TMEM272: variants seen among roughly 807,000 people sequenced by gnomAD.
The protein encoded by TMEM272 is long intergenic non-protein coding RNA 282.
In TMEM272, 8 loss-of-function variants were observed where a neutral mutation model predicts 3.7. That is an observed-to-expected ratio of 2.17 (90% CI 1.27 to 3.91). TMEM272 has a LOEUF of 3.91. TMEM272 is among the 30% of genes most tolerant of loss of function. The pLI is 0.00. For synonymous variants in TMEM272, 63 were observed against 39.8 expected (o/e 1.58, Z -2.20); for missense variants, 166 against 91.5 (o/e 1.81, Z -3.32).
the TMEM272 span, among the ~76,000 whole-genome samples, chr13:51,859,354 C>T: frequency 6.6e-6 from 1 of 152,030 alleles, no homozygotes; most frequent in African/African-American, 2.4e-5. Flanking sequence ...TGACTGTGCA[C>T]ATGGCTGAGA....
chr13:51,890,698 C>A, the TMEM272 span, among the ~76,000 whole-genome samples: 6 of 152,182 alleles, frequency 3.9e-5, no homozygotes, highest in South Asian at 1.2e-3. Flanking sequence ...GGACTGAGCT[C>A]CTGCACTAGG....
At chr13:51,888,280 AG>A in the TMEM272 span, among the ~76,000 whole-genome samples, 1 of 152,146 alleles carries the variant, frequency 6.6e-6, no homozygotes, top group South Asian at 2.1e-4. Flanking sequence ...TCCTGACCTC[AG>A]GTGATCCGTT....
At chr13:51,844,938 C>T (rs761156074) in intron 1 of TMEM272, 78 bp downstream of exon 1, 1 of 152,256 alleles carries the variant, frequency 6.6e-6, no homozygotes, top group East Asian at 1.9e-4. Flanking sequence ...TTGGCATCTT[C>T]CTAAGAATGA....
the TMEM272 span, among the ~76,000 whole-genome samples, chr13:51,868,006 C>T: frequency 6.6e-6 from 1 of 152,194 alleles, no homozygotes; most frequent in Non-Finnish European, 1.5e-5. Context: ...CAATTGCAGA[C>T]TCCTTTTATC....
At chr13:51,875,307 T>C in the TMEM272 span, among the ~76,000 whole-genome samples, 1 of 152,208 alleles carries the variant, frequency 6.6e-6, no homozygotes, top group African/African-American at 2.4e-5. Context: ...CCCAGGCTGT[T>C]TGGCTCCAGA....
the TMEM272 span, among the ~76,000 whole-genome samples, chr13:51,876,287 G>A: frequency 3.3e-5 from 5 of 152,178 alleles, no homozygotes; most frequent in African/African-American, 1.2e-4. Context: ...TTCCTTTGAA[G>A]TGTGGTCAAC....
the TMEM272 span, among the ~76,000 whole-genome samples, chr13:51,907,779 A>C: frequency 6.6e-6 from 1 of 152,214 alleles, no homozygotes; most frequent in Non-Finnish European, 1.5e-5. Context: ...TGATCTGTTC[A>C]TCTCTCCATA....
At chr13:51,866,807 G>T in the TMEM272 span, among the ~76,000 whole-genome samples, 3 of 152,132 alleles carry the variant, frequency 2.0e-5, no homozygotes, top group African/African-American at 7.2e-5. Context: ...GCAATGCATG[G>T]GCATGCTCCC....
the TMEM272 span, among the ~76,000 whole-genome samples, chr13:51,899,877 A>T: frequency 2.0e-5 from 3 of 152,236 alleles, no homozygotes; most frequent in Non-Finnish European, 4.4e-5. Context: ...TGATTTAGAC[A>T]AGCCTAGGCA....
chr13:51,904,660 T>A, the TMEM272 span, among the ~76,000 whole-genome samples: 6 of 152,206 alleles, frequency 3.9e-5, no homozygotes, highest in Non-Finnish European at 5.9e-5. Flanking sequence ...ATTCTGCAAC[T>A]TTTTGAGTAT....
the TMEM272 span, among the ~76,000 whole-genome samples, chr13:51,922,766 G>A: frequency 2.6e-5 from 4 of 152,186 alleles, no homozygotes; most frequent in African/African-American, 7.2e-5. Context: ...TCTATTCCTC[G>A]CCTCTTCCAG....
the TMEM272 span, chr13:51,909,944 C>T: frequency 6.3e-7 from 1 of 1,597,812 alleles, no homozygotes; most frequent in Non-Finnish European, 8.6e-7. Flanking sequence ...CAGCTTCTTG[C>T]AAAAGCTGTT....
the TMEM272 span, among the ~76,000 whole-genome samples, chr13:51,920,609 T>A: frequency 1.2e-4 from 18 of 152,216 alleles, no homozygotes; most frequent in South Asian, 3.7e-3. Flanking sequence ...CCCAGCCGGG[T>A]CCCCTCAGGG....
chr13:51,884,187 G>GCTAT, the TMEM272 span, among the ~76,000 whole-genome samples: 36 of 152,302 alleles, frequency 2.4e-4, no homozygotes, highest in East Asian at 1.7e-3. Flanking sequence ...TCTAGAAAAG[G>GCTAT]CTATCCTCCC....
At chr13:51,829,714 C>T (rs1281054861) in intron 2 of TMEM272, among the ~76,000 whole-genome samples, 1 of 152,118 alleles carries the variant, frequency 6.6e-6, no homozygotes, top group Non-Finnish European at 1.5e-5. Flanking sequence ...ATATATAATC[C>T]AGGCAGTGAG....
the TMEM272 span, among the ~76,000 whole-genome samples, chr13:51,851,315 C>T: frequency 6.6e-6 from 1 of 151,332 alleles, no homozygotes; most frequent in Non-Finnish European, 1.5e-5. Context: ...ACCTGAACTA[C>T]AGAGTGACAT....
the TMEM272 span, chr13:51,866,112 G>C: frequency 6.6e-7 from 1 of 1,517,898 alleles, no homozygotes; most frequent in Non-Finnish European, 8.8e-7. Context: ...CTGTGGTCCA[G>C]ACTCCCCTGG....
chr13:51,867,527 G>A, the TMEM272 span, among the ~76,000 whole-genome samples: 1 of 152,156 alleles, frequency 6.6e-6, no homozygotes, highest in Admixed American at 6.5e-5. Context: ...AGTCAAGGGT[G>A]AACAAATACC....
Position 51,818,039 on chromosome 13 carries a change from T to G in TMEM272, c.202-926A>C, listed in dbSNP as rs76110119. Reference sequence around the variant, plus strand: ...CCGTCTTCTCTACCTAGCAACTTGATCTGTGATGTTTTTGAAAGCCTGACC... The same window carrying G: ...CCGTCTTCTCTACCTAGCAACTTGAGCTGTGATGTTTTTGAAAGCCTGACC... On this transcript the variant is annotated intron_variant, in intron 4 of 4. Coordinates refer to ENST00000629372, the MANE Select transcript of TMEM272 (RefSeq NM_001351003.2). Among the ~76,000 whole-genome samples, 1,230 of 152,282 alleles carry G rather than the reference T, an allele frequency of 8.1e-3. 11 individuals carry two copies. Among genetic ancestry groups the G allele is most frequent in the Middle Eastern group, 0.027 (8 of 294 alleles).
Sources: allele counts gnomAD v4.1 joint callset (sites outside exome capture counted in the v4.1 genomes callset), GRCh38; gene constraint gnomAD v4.1.1; transcripts MANE v1.5; gene names NCBI Gene and HGNC (gene_info 2026-07-23, HGNC 2026-07-21).